The following CYP19A1 variants were observed in gnomAD, a reference collection of about 807,000 sequenced individuals.
The protein encoded by CYP19A1 is cytochrome P450 family 19 subfamily A member 1, also known as aromatase.
A neutral mutation model predicts 44.4 loss-of-function variants in CYP19A1; 32 were observed. The ratio of observed to expected loss-of-function variants is 0.72; its 90% CI spans 0.54 to 0.97. CYP19A1 has a LOEUF of 0.97. Ranked by LOEUF, CYP19A1 falls within the 50% of genes least tolerant of loss-of-function variation. The pLI is 0.00. For missense variants in CYP19A1, 598 were observed against 637.8 expected, an observed-to-expected ratio of 0.94 and a Z score of 0.67; for synonymous variants, 212 against 215.6, an observed-to-expected ratio of 0.98 and a Z score of 0.14.
intron 4 of CYP19A1, among the ~76,000 whole-genome samples, chr15:51,224,727 C>T (rs1566878033): frequency 6.6e-6 from 1 of 152,152 alleles, no homozygotes; most frequent in East Asian, 1.9e-4. Flanking sequence ...TTATGTTATT[C>T]TGCTTAAAAT....
At chr15:51,216,406 C>A (rs560893139) in intron 6 of CYP19A1, among the ~76,000 whole-genome samples, 1 of 152,280 alleles carries the variant, frequency 6.6e-6, no homozygotes, top group East Asian at 1.9e-4. Context: ...CACCTGCCAC[C>A]ACGCCCAGCT....
intron 1 of CYP19A1, among the ~76,000 whole-genome samples, chr15:51,276,215 G>A (rs1035472205): frequency 1.3e-5 from 2 of 152,220 alleles, no homozygotes; most frequent in Non-Finnish European, 2.9e-5. Flanking sequence ...AGTCTAATCA[G>A]AGTATTTCAT....
At chr15:51,307,436 T>C (rs1032199278) in intron 1 of CYP19A1, among the ~76,000 whole-genome samples, 4 of 152,308 alleles carry the variant, frequency 2.6e-5, no homozygotes, top group Admixed American at 2.0e-4. Context: ...AAGAATATAA[T>C]TTTAGTGTGC....
At chr15:51,281,390 G>A (rs893158126) in intron 1 of CYP19A1, among the ~76,000 whole-genome samples, 15 of 152,208 alleles carry the variant, frequency 9.9e-5, no homozygotes, top group East Asian at 3.8e-4. Flanking sequence ...CCAGTACTAC[G>A]CAAGGGGGCT....
chr15:51,222,017 T>C, intron 5 of CYP19A1: 1 of 483,722 alleles, frequency 2.1e-6, no homozygotes, highest in Non-Finnish European at 3.7e-6. Flanking sequence ...TGGAAATGGT[T>C]AAATATATAA....
chr15:51,224,042 G>T (rs1212885141), intron 4 of CYP19A1, among the ~76,000 whole-genome samples: 1 of 152,170 alleles, frequency 6.6e-6, no homozygotes. Flanking sequence ...ATGCTAAAAA[G>T]TATTGACTCT....
Position 51,215,813 on chromosome 15 carries a change from C to G in CYP19A1, c.748G>C (p.Asp250His). 6.2e-7 allele frequency: 1 copy of G among 1,613,684 alleles called. No homozygotes were observed. Among genetic ancestry groups the G allele is most frequent in the Non-Finnish European group, 8.5e-7 (1 of 1,179,932 alleles). The change falls in exon 7 of 10, where the codon GAT (aspartate) becomes CAT (histidine). Residue 250 changes from aspartate to histidine, a missense_variant. Transcript: ENST00000396402. ...LYKKYEKSVK[D>H]LKDAIEVLIA... ...AGAACTTCTATGGCATCTTTCAAAT[C>G]CTTGCTGGAAAAAAAGTCAAAATAT...
chr15:51,331,636 G>A (rs1300843844), intron 1 of CYP19A1, among the ~76,000 whole-genome samples: 2 of 152,038 alleles, frequency 1.3e-5, no homozygotes, highest in East Asian at 1.9e-4. Flanking sequence ...AGGGGGGCGC[G>A]ACTTCTTGCT....
chr15:51,227,377 T>C (rs1050195227), intron 4 of CYP19A1, among the ~76,000 whole-genome samples: 9 of 152,126 alleles, frequency 5.9e-5, no homozygotes, highest in Admixed American at 1.3e-4. Flanking sequence ...ATTCAAAATA[T>C]GATTTCAGAC....
intron 1 of CYP19A1, among the ~76,000 whole-genome samples, chr15:51,244,415 A>G (rs1303006804): frequency 6.6e-6 from 1 of 151,964 alleles, no homozygotes; most frequent in Non-Finnish European, 1.5e-5. Context: ...AGGTCCTTTG[A>G]GATTCTCTCC....
chr15:51,333,186 T>C (rs2036727507), intron 1 of CYP19A1, among the ~76,000 whole-genome samples: 1 of 152,208 alleles, frequency 6.6e-6, no homozygotes, highest in Admixed American at 6.5e-5. Flanking sequence ...TCTAAGAGCA[T>C]TGCTGTGCCC....
intron 1 of CYP19A1, among the ~76,000 whole-genome samples, chr15:51,261,031 C>T (rs2034697218): frequency 6.6e-6 from 1 of 152,222 alleles, no homozygotes; most frequent in Non-Finnish European, 1.5e-5. Context: ...CCGGATCCAG[C>T]AGGGTGTCCA....
chr15:51,280,007 G>T (rs2035458157), intron 1 of CYP19A1: 1 of 152,182 alleles, frequency 6.6e-6, no homozygotes, highest in African/African-American at 2.4e-5. Context: ...GTCTAAGGGG[G>T]TTGAACTGTT....
At chr15:51,308,422 A>G (rs763602862) in intron 1 of CYP19A1, among the ~76,000 whole-genome samples, 2 of 151,660 alleles carry the variant, frequency 1.3e-5, no homozygotes, top group Non-Finnish European at 2.9e-5. Context: ...TTTCTGCATC[A>G]TTTTAGTTTT....
chr15:51,260,098 A>G (rs1366863319), intron 1 of CYP19A1, among the ~76,000 whole-genome samples: 1 of 152,270 alleles, frequency 6.6e-6, no homozygotes, highest in Non-Finnish European at 1.5e-5. Context: ...AACAGGAATC[A>G]GCAACTGTCT....
At chr15:51,253,467 G>T (rs1320091931) in intron 1 of CYP19A1, among the ~76,000 whole-genome samples, 1 of 152,080 alleles carries the variant, frequency 6.6e-6, no homozygotes, top group Non-Finnish European at 1.5e-5. Flanking sequence ...CATCCCTCTT[G>T]TCACAGCTAT....
At chr15:51,253,926 A>T (rs2034419077) in intron 1 of CYP19A1, among the ~76,000 whole-genome samples, 1 of 152,194 alleles carries the variant, frequency 6.6e-6, no homozygotes, top group Non-Finnish European at 1.5e-5. Flanking sequence ...GATGGCAAGT[A>T]GAGGAGAGGT....
At chr15:51,308,984 C>T (rs575517160) in intron 1 of CYP19A1, among the ~76,000 whole-genome samples, 3 of 152,276 alleles carry the variant, frequency 2.0e-5, no homozygotes, top group Non-Finnish European at 4.4e-5. Flanking sequence ...GGCATTACAT[C>T]AATGCAGAAA....
At position 51,210,475 on chromosome 15, in the gene CYP19A1, T is replaced by C; in HGVS notation, c.*333A>G. 2 of 535,960 alleles carry C rather than the reference T, an allele frequency of 3.7e-6. No individual in the cohort carries two copies. The highest frequency in any genetic ancestry group is 3.1e-5 in the South Asian group (2 of 64,738). The allele number at this position is 535,960 out of a possible 1,614,324, so 33.2% of individuals were successfully genotyped here. A position where few individuals can be genotyped will look rare whatever the true frequency, so the allele number is the denominator to read the frequency against. On this transcript the variant is annotated 3_prime_UTR_variant, in exon 10 of 10. Transcript: ENST00000396402. ...TTGGGTTGAGGCAGTAGAGCTCTACTGGGGAACCAGACATACATTTTGTTA... is the reference window on the plus strand; with the variant it reads ...TTGGGTTGAGGCAGTAGAGCTCTACCGGGGAACCAGACATACATTTTGTTA...
Sources: allele counts gnomAD v4.1 joint callset (sites outside exome capture counted in the v4.1 genomes callset), GRCh38; gene constraint gnomAD v4.1.1; transcripts MANE v1.5; gene names NCBI Gene and HGNC (gene_info 2026-07-23, HGNC 2026-07-21).